Variants in PTPRD observed in about 807,000 individuals in gnomAD.
PTPRD encodes receptor-type tyrosine-protein phosphatase delta.
A neutral mutation model predicts 214.5 loss-of-function variants in PTPRD; 34 were observed. The ratio of observed to expected loss-of-function variants is 0.16; its 90% CI spans 0.12 to 0.21. The LOEUF (loss-of-function observed/expected upper bound fraction) is 0.21, where lower values mean the gene tolerates loss of function less well. Among genes scored for constraint, PTPRD ranks in the 10% least tolerant of loss-of-function variants. PTPRD has a pLI of 1.00. For synonymous variants in PTPRD, 1,128 were observed against 845.7 expected (o/e 1.33, Z -5.79); for missense variants, 2,545 against 2,398.7 (o/e 1.06, Z -1.27).
intron 4 of PTPRD, among the ~76,000 whole-genome samples, chr9:9,974,356 T>C (rs1213947966): frequency 1.3e-5 from 2 of 152,180 alleles, no homozygotes; most frequent in East Asian, 1.9e-4. Context: ...ACCAAGCCTT[T>C]CTCCTTTGCT....
chr9:10,280,360 C>CCACA (rs61249776), intron 3 of PTPRD, among the ~76,000 whole-genome samples: 10,358 of 144,726 alleles, frequency 0.072, 457 homozygotes, highest in South Asian at 0.16. Flanking sequence ...TACATAAACA[C>CCACA]CACACACACA....
At chr9:8,961,955 A>G (rs2099160990) in intron 11 of PTPRD, among the ~76,000 whole-genome samples, 1 of 152,170 alleles carries the variant, frequency 6.6e-6, no homozygotes, top group African/African-American at 2.4e-5. Context: ...AGGAATATAT[A>G]TGAAATTTAC....
At chr9:9,704,960 C>A (rs985109272) in intron 7 of PTPRD, among the ~76,000 whole-genome samples, 3 of 152,208 alleles carry the variant, frequency 2.0e-5, no homozygotes, top group Non-Finnish European at 2.9e-5. Flanking sequence ...AGTAAAATGA[C>A]TGTTTTAAGC....
At chr9:9,333,243 T>C (rs115172575) in intron 9 of PTPRD, among the ~76,000 whole-genome samples, 1 of 151,324 alleles carries the variant, frequency 6.6e-6, no homozygotes. Context: ...GTAGGTGACA[T>C]AGAATAAGGG....
At chr9:8,830,029 A>C (rs1038666518) in intron 11 of PTPRD, among the ~76,000 whole-genome samples, 2 of 152,184 alleles carry the variant, frequency 1.3e-5, no homozygotes, top group African/African-American at 4.8e-5. Flanking sequence ...ATTAAATACC[A>C]AAGTTTGAAT....
chr9:9,786,628 G>A (rs1323100161), intron 5 of PTPRD, among the ~76,000 whole-genome samples: 1 of 152,058 alleles, frequency 6.6e-6, no homozygotes, highest in Non-Finnish European at 1.5e-5. Context: ...TGGGTCAAAT[G>A]GTATTTCTAG....
intron 5 of PTPRD, among the ~76,000 whole-genome samples, chr9:9,863,672 T>A (rs750263781): frequency 2.9e-4 from 44 of 152,184 alleles, no homozygotes; most frequent in Non-Finnish European, 8.8e-5. Flanking sequence ...CATGTGACCC[T>A]CTTACGTCAC....
chr9:8,793,598 T>C (rs184384708), intron 11 of PTPRD, among the ~76,000 whole-genome samples: 1 of 152,308 alleles, frequency 6.6e-6, no homozygotes, highest in Admixed American at 6.5e-5. Flanking sequence ...CTTCTCATTC[T>C]GAGTCCAGTG....
At chr9:10,237,136 T>C (rs1000893120) in intron 3 of PTPRD, among the ~76,000 whole-genome samples, 2 of 151,816 alleles carry the variant, frequency 1.3e-5, no homozygotes, top group Non-Finnish European at 2.9e-5. Context: ...TATGCCGCTC[T>C]GGTGGGGGAT....
chr9:9,927,420 A>C (rs927060364), intron 5 of PTPRD, among the ~76,000 whole-genome samples: 5 of 152,054 alleles, frequency 3.3e-5, no homozygotes, highest in African/African-American at 4.8e-5. Flanking sequence ...TATTCCCTAC[A>C]TCTGCAATGC....
intron 4 of PTPRD, among the ~76,000 whole-genome samples, chr9:10,033,082 AGT>A (rs1362068580): frequency 2.7e-5 from 4 of 150,872 alleles, no homozygotes; most frequent in South Asian, 2.1e-4. Context: ...GGAGCATGTA[AGT>A]GTGTGTGTGT....
chr9:10,061,208 T>A (rs1193051280), intron 3 of PTPRD, among the ~76,000 whole-genome samples: 1 of 151,832 alleles, frequency 6.6e-6, no homozygotes, highest in African/African-American at 2.4e-5. Context: ...TGAAAATGCA[T>A]AACAAGTTCA....
intron 14 of PTPRD, among the ~76,000 whole-genome samples, chr9:8,618,230 TAGAAAAAGGAATATTTTCCTATATTTGTA>T (rs1335503812): frequency 6.6e-6 from 1 of 152,110 alleles, no homozygotes; most frequent in Non-Finnish European, 1.5e-5. Context: ...TTTGGGGCCA[TAGAAAAAGGAATATTTTCCTATATTTGTA>T]AGATATTTGG....
At chr9:8,647,821 C>T (rs1052940806) in intron 12 of PTPRD, among the ~76,000 whole-genome samples, 6 of 152,196 alleles carry the variant, frequency 3.9e-5, no homozygotes, top group African/African-American at 7.2e-5. Context: ...TTTTTATCCA[C>T]TGTCCAAAAT....
chr9:9,660,275 G>T (rs2096597430), intron 7 of PTPRD, among the ~76,000 whole-genome samples: 1 of 151,932 alleles, frequency 6.6e-6, no homozygotes. Flanking sequence ...GGACTGACAT[G>T]GCTTGATTTA....
chr9:9,927,457 T>C lies in PTPRD; in HGVS notation c.-368+11050A>G, dbSNP rs541324722. 4.6e-5 allele frequency among the ~76,000 whole-genome samples: 7 copies of C among 152,222 alleles called. No individual in the cohort carries two copies. In the East Asian group the frequency reaches 9.7e-4, roughly 21 times the overall value. On this transcript the variant is annotated intron_variant, in intron 5 of 45. Coordinates refer to ENST00000381196, the MANE Select transcript of PTPRD (RefSeq NM_002839.4). ...ATTCCCAGCCCACACATCTGCCCTA[T>C]TGGATTTATATCAAATTCAGCTTTC...
chr9:9,727,602 C>T (rs1232267306), intron 7 of PTPRD, among the ~76,000 whole-genome samples: 1 of 152,102 alleles, frequency 6.6e-6, no homozygotes, highest in African/African-American at 2.4e-5. Flanking sequence ...AGTGTCAATT[C>T]CTTGGAGTGT....
At chr9:8,424,711 G>A (rs1390242548) in intron 35 of PTPRD, among the ~76,000 whole-genome samples, 1 of 151,980 alleles carries the variant, frequency 6.6e-6, no homozygotes, top group Non-Finnish European at 1.5e-5. Context: ...AAGAGGAAGA[G>A]AAGGGGAATA....
chr9:9,209,689 G>A (rs1285342834), intron 9 of PTPRD, among the ~76,000 whole-genome samples: 1 of 152,070 alleles, frequency 6.6e-6, no homozygotes, highest in Admixed American at 6.5e-5. Flanking sequence ...TTGTTGAAGT[G>A]GGTGATGGCC....
Sources: allele counts gnomAD v4.1 joint callset (sites outside exome capture counted in the v4.1 genomes callset), GRCh38; gene constraint gnomAD v4.1.1; transcripts MANE v1.5; gene names NCBI Gene and HGNC (gene_info 2026-07-23, HGNC 2026-07-21).